Variants in SIGLEC9 observed in about 807,000 individuals in gnomAD.
SIGLEC9 encodes the protein sialic acid binding Ig like lectin 9.
In SIGLEC9, 26 loss-of-function variants were observed where a neutral mutation model predicts 38.3. The observed-to-expected ratio is 0.68, with a 90% CI of 0.50 to 0.94. The LOEUF (loss-of-function observed/expected upper bound fraction) is 0.94, where lower values mean the gene tolerates loss of function less well. Ranked by LOEUF, SIGLEC9 falls within the 40% of genes least tolerant of loss-of-function variation. The pLI, the probability that SIGLEC9 is intolerant of heterozygous loss-of-function variation, is 0.00. For synonymous variants in SIGLEC9, 236 were observed against 248.0 expected (o/e 0.95, Z 0.45); for missense variants, 556 against 585.7 (o/e 0.95, Z 0.52).
downstream of SIGLEC9, among the ~76,000 whole-genome samples, chr19:51,131,325 C>T (rs1455377852): frequency 6.6e-5 from 10 of 152,286 alleles, no homozygotes; most frequent in African/African-American, 9.6e-5. Flanking sequence ...CAGTGTCTCA[C>T]GCCTGTAATT....
intron 3 of SIGLEC9, among the ~76,000 whole-genome samples, chr19:51,126,481 C>T (rs1395979947): frequency 6.6e-6 from 1 of 152,178 alleles, no homozygotes; most frequent in East Asian, 1.9e-4. Context: ...GATAAATGTC[C>T]ATGGGCAAAA....
At chr19:51,127,847 A>T in intron 4 of SIGLEC9, 102 bp from the exon 5 acceptor site, 1 of 689,106 alleles carries the variant, frequency 1.5e-6, no homozygotes, top group Non-Finnish European at 2.6e-6. Flanking sequence ...GTGTCTGGAA[A>T]GGGGAAGTGG....
downstream of SIGLEC9, among the ~76,000 whole-genome samples, chr19:51,134,770 G>A (rs1306189794): frequency 1.3e-5 from 2 of 152,128 alleles, no homozygotes; most frequent in Non-Finnish European, 1.5e-5. Context: ...TATTCTGCTA[G>A]CTTTGGGGTT....
rs762370694 is a variant in SIGLEC9, at chr19:51,125,416, A to G, written c.421+21A>G. The stretch of plus-strand genomic sequence containing the variant: ...GACAGGTAAGGCACAGGCTCCAGGA[A>G]AGGCCACAGGGAAAGGTCATGGGGG... On this transcript the variant is annotated intron_variant, in intron 1 of 6. Transcript: ENST00000250360. 1.9e-6 allele frequency: 3 copies of G among 1,567,010 alleles called. No individual in the cohort carries two copies. The African/African-American group carries it at 4.1e-5, about 21-fold the overall frequency.
downstream of SIGLEC9, among the ~76,000 whole-genome samples, chr19:51,131,771 C>T (rs1165174820): frequency 6.6e-6 from 1 of 151,872 alleles, no homozygotes; most frequent in African/African-American, 2.4e-5. Context: ...CAAAAATTAG[C>T]CAGGCGAGGT....
At chr19:51,128,366 G>A (rs774910698) in intron 5 of SIGLEC9, 48 bp from the exon 6 acceptor site, 17 of 1,595,330 alleles carry the variant, frequency 1.1e-5, no homozygotes, top group African/African-American at 5.4e-5. Context: ...TCTGCCCACC[G>A]CACCCCAATC....
rs779719438 is a variant in SIGLEC9 at position 51,125,301 on chromosome 19, CAGA to C, written c.333_335del (p.Arg111del). The C allele has an allele frequency of 1.5e-4, 236 of 1,613,592 alleles. No individual in the cohort carries two copies. Among genetic ancestry groups the C allele is most frequent in the Middle Eastern group, 3.3e-4 (2 of 6,078 alleles). On this transcript the variant is annotated inframe_deletion, in exon 1 of 7. Coordinates refer to ENST00000250360, the MANE Select transcript of SIGLEC9 (RefSeq NM_014441.3). ...ATTGCACCCTGAGCATCAGAGATGC[CAGA>C]AGAAGTGATGCGGGGAGATACTTCT...
At chr19:51,135,850 G>T (rs557877732) in intron 6 of SIGLEC9, 34 of 603,392 alleles carry the variant, frequency 5.6e-5, no homozygotes, top group Non-Finnish European at 9.1e-5. Context: ...TCTTTTCTCA[G>T]CTTAATCTAT....
downstream of SIGLEC9, among the ~76,000 whole-genome samples, chr19:51,134,375 T>C (rs2092032622): frequency 6.6e-6 from 1 of 152,078 alleles, no homozygotes; most frequent in African/African-American, 2.4e-5. Context: ...GCCAGGATGG[T>C]CTTGATCTCT....
intron 6 of SIGLEC9, among the ~76,000 whole-genome samples, chr19:51,129,334 T>C (rs2092001037): frequency 6.6e-6 from 1 of 150,550 alleles, no homozygotes; most frequent in Non-Finnish European, 1.5e-5. Context: ...AATTTTTTTG[T>C]ATTTTTAGTA....
chr19:51,124,740 G>C (rs770467965), upstream of SIGLEC9, among the ~76,000 whole-genome samples: 2 of 152,104 alleles, frequency 1.3e-5, no homozygotes, highest in Admixed American at 1.3e-4. Flanking sequence ...TCTGTCTCCC[G>C]CTCTGGCCTC....
exon 7 of SIGLEC9, chr19:51,136,025 C>A: frequency 1.4e-6 from 1 of 703,630 alleles, no homozygotes; most frequent in Non-Finnish European, 2.6e-6. Context: ...TCTCCTGAAT[C>A]TCCGTGATCT....
intron 3 of SIGLEC9, among the ~76,000 whole-genome samples, chr19:51,126,692 G>C (rs1425658045): frequency 6.6e-6 from 1 of 152,152 alleles, no homozygotes; most frequent in African/African-American, 2.4e-5. Context: ...TGATTTTGTG[G>C]CATCTCCTAA....
At position 51,125,965 on chromosome 19, in the gene SIGLEC9, G is replaced by A. The variant is rs983416409; in HGVS notation, c.700+90G>A. 8.2e-6 allele frequency: 13 copies of A among 1,592,092 alleles called. No homozygotes were observed. In the African/African-American group the frequency reaches 1.5e-4, roughly 18 times the overall value. ...CTGGGTCCCGGAATCTGGGCTGGTG[G>A]TGGGGTCAGGAGGACACTGGCTCTG... On this transcript the variant is annotated intron_variant, in intron 2 of 6. Coordinates refer to ENST00000250360, the MANE Select transcript of SIGLEC9 (RefSeq NM_014441.3).
At chr19:51,131,681 TGAG>T (rs1184679100), downstream of SIGLEC9, among the ~76,000 whole-genome samples, 2 of 151,808 alleles carry the variant, frequency 1.3e-5, no homozygotes, top group African/African-American at 4.8e-5. Context: ...TTTGGGAGGC[TGAG>T]GAGGGCAAAT....
chr19:51,128,057 AGAGG>A lies in SIGLEC9; in HGVS notation c.1106+30_1106+33del, dbSNP rs1461310889. 1.9e-5 allele frequency: 30 copies of A among 1,588,696 alleles called. No homozygotes were observed. The highest frequency in any genetic ancestry group is 2.2e-5 in the South Asian group (2 of 90,416). ...TTCGTTGTGTAAGCATGGACCCTAG[AGAGG>A]GAGGGAGGGAGAGCCCTGGGGGAGG... is the stretch of plus-strand genomic sequence containing the variant. On this transcript the variant is annotated intron_variant, in intron 5 of 6. Transcript: ENST00000250360.
chr19:51,120,732 TG>T, upstream of SIGLEC9: 1 of 192,800 alleles, frequency 5.2e-6, no homozygotes, highest in Non-Finnish European at 1.1e-5. This position sits in a 1 kb window ranked among gnomAD's most constrained non-coding sequence, Gnocchi z 4.1. Flanking sequence ...GGTGTGACCA[TG>T]GGGAGAACCA....
At chr19:51,127,363 G>A in intron 4 of SIGLEC9, 67 bp downstream of exon 4, 4 of 1,475,942 alleles carry the variant, frequency 2.7e-6, no homozygotes, top group Non-Finnish European at 3.6e-6. Context: ...CTTAGTAACT[G>A]CTGAGCGTGG....
At chr19:51,120,280 A>G (rs1368463306), upstream of SIGLEC9, 1 of 152,234 alleles carries the variant, frequency 6.6e-6, no homozygotes, top group East Asian at 1.9e-4. This position sits in a 1 kb window ranked among gnomAD's most constrained non-coding sequence, Gnocchi z 4.1. Context: ...AGGTGGAGAG[A>G]GGTTATTACA....
Sources: gnomAD v4.1 joint callset for allele counts (sites outside exome capture counted in the v4.1 genomes callset) on GRCh38, gnomAD v4.1.1 for gene constraint, Gnocchi (gnomAD v3.1) non-coding constraint, MANE v1.5 for transcripts, NCBI Gene and HGNC (gene_info 2026-07-23, HGNC 2026-07-21) for gene names.